Variants in MB21D2 observed in about 807,000 individuals in gnomAD.
The protein encoded by MB21D2 is Mab-21 domain containing 2, also known as nucleotidyltransferase MB21D2.
Under a neutral mutation model 33.3 loss-of-function variants are expected in MB21D2, and 9 were observed. The observed-to-expected ratio is 0.27, with a 90% CI of 0.16 to 0.47. The LOEUF (loss-of-function observed/expected upper bound fraction) is 0.47, where lower values mean the gene tolerates loss of function less well. MB21D2 is among the 20% of genes least tolerant of loss of function. The pLI is 0.99. For synonymous variants in MB21D2, 241 were observed against 236.3 expected (o/e 1.02, Z -0.18); for missense variants, 540 against 624.6 (o/e 0.86, Z 1.44).
intron 1 of MB21D2, among the ~76,000 whole-genome samples, chr3:192,853,221 C>T (rs900122790): frequency 3.3e-5 from 5 of 152,148 alleles, no homozygotes; most frequent in Non-Finnish European, 5.9e-5. Flanking sequence ...CATCACCCCT[C>T]GAAGGTCTTC....
At chr3:192,806,065 C>T (rs1441490873) in intron 1 of MB21D2, among the ~76,000 whole-genome samples, 2 of 152,234 alleles carry the variant, frequency 1.3e-5, no homozygotes, top group South Asian at 2.1e-4. Context: ...TGAATGCCAT[C>T]GTGTGGCACG....
intron 1 of MB21D2, among the ~76,000 whole-genome samples, chr3:192,897,185 A>G (rs926332494): frequency 2.6e-5 from 4 of 152,326 alleles, no homozygotes; most frequent in African/African-American, 9.6e-5. Context: ...CAAAGGTTGC[A>G]TAGCTTGTTC....
intron 1 of MB21D2, among the ~76,000 whole-genome samples, chr3:192,840,993 AT>A (rs1437366595): frequency 1.3e-5 from 2 of 152,228 alleles, no homozygotes; most frequent in Non-Finnish European, 2.9e-5. Flanking sequence ...TGGGTTTTAG[AT>A]TTAAAGACCT....
At chr3:192,835,122 T>C (rs1712405695) in intron 1 of MB21D2, among the ~76,000 whole-genome samples, 1 of 147,704 alleles carries the variant, frequency 6.8e-6, no homozygotes, top group East Asian at 2.1e-4. Flanking sequence ...GTTCACATTT[T>C]ATTTGGCCAG....
chr3:192,839,372 T>G (rs956772189), intron 1 of MB21D2, among the ~76,000 whole-genome samples: 4 of 152,186 alleles, frequency 2.6e-5, no homozygotes, highest in Admixed American at 6.5e-5. Context: ...GTTTTCTTTC[T>G]GCTAAACCTG....
chr3:192,847,155 C>T (rs1296974176), intron 1 of MB21D2, among the ~76,000 whole-genome samples: 1 of 152,156 alleles, frequency 6.6e-6, no homozygotes, highest in Non-Finnish European at 1.5e-5. Context: ...GACACTCACA[C>T]GATTATTTGT....
intron 1 of MB21D2, among the ~76,000 whole-genome samples, chr3:192,854,038 T>C (rs940750709): frequency 1.1e-4 from 17 of 152,346 alleles, no homozygotes; most frequent in African/African-American, 3.6e-4. Flanking sequence ...ACTTTGAAGT[T>C]AGGCCAGTGC....
chr3:192,863,889 T>C (rs1410258050), intron 1 of MB21D2, among the ~76,000 whole-genome samples: 1 of 152,170 alleles, frequency 6.6e-6, no homozygotes, highest in African/African-American at 2.4e-5. Context: ...GATCTTAACC[T>C]TTCCAGAAGC....
At chr3:192,811,255 G>A (rs1306902766) in intron 1 of MB21D2, among the ~76,000 whole-genome samples, 2 of 152,138 alleles carry the variant, frequency 1.3e-5, no homozygotes, top group Non-Finnish European at 2.9e-5. Flanking sequence ...ATCTTTATTG[G>A]CTTTTCTCTC....
chr3:192,872,315 A>G (rs1197814511), intron 1 of MB21D2, among the ~76,000 whole-genome samples: 3 of 152,102 alleles, frequency 2.0e-5, no homozygotes, highest in African/African-American at 7.2e-5. Flanking sequence ...GGGGGCTCAC[A>G]ACTGTAATCC....
intron 1 of MB21D2, among the ~76,000 whole-genome samples, chr3:192,840,272 AC>A (rs1560236236): frequency 6.6e-6 from 1 of 152,166 alleles, no homozygotes. Context: ...GAAATTAGAA[AC>A]ATACATATTA....
intron 1 of MB21D2, among the ~76,000 whole-genome samples, chr3:192,867,487 T>C (rs1044223433): frequency 2.0e-5 from 3 of 152,208 alleles, no homozygotes; most frequent in African/African-American, 7.2e-5. Flanking sequence ...CAGAAAGTGG[T>C]GAGTACAGGT....
At chr3:192,864,333 G>A (rs1210780606) in intron 1 of MB21D2, among the ~76,000 whole-genome samples, 1 of 152,126 alleles carries the variant, frequency 6.6e-6, no homozygotes, top group Non-Finnish European at 1.5e-5. Flanking sequence ...AACTGGTCCA[G>A]GAAACCCCGC....
intron 1 of MB21D2, among the ~76,000 whole-genome samples, chr3:192,833,201 T>C (rs1712359611): frequency 6.6e-6 from 1 of 152,234 alleles, no homozygotes; most frequent in African/African-American, 2.4e-5. Context: ...TGGCAATCCC[T>C]TGGCCTGCTT....
Position 192,799,087 on chromosome 3 carries a change from C to T in MB21D2, c.775G>A (p.Asp259Asn). The change falls in exon 2 of 2, where the codon GAT (aspartate) becomes AAT (asparagine). Residue 259 changes from aspartate (D) to asparagine (N), a missense_variant. Coordinates refer to ENST00000392452, the MANE Select transcript of MB21D2 (RefSeq NM_178496.4). This position sits in a 1 kb window ranked among gnomAD's most constrained non-coding sequence, Gnocchi z 4.1. ...QSWLMENHFW[D>N]GKITEEEVIS... ...ACCTCTTCCTCAGTAATCTTCCCATCCCAAAAGTGGTTCTCCATGAGCCAG... is the reference window on the plus strand; with the variant it reads ...ACCTCTTCCTCAGTAATCTTCCCATTCCAAAAGTGGTTCTCCATGAGCCAG... 2 of 1,614,098 alleles carry T rather than the reference C, an allele frequency of 1.2e-6. No individual in the cohort carries two copies. The highest frequency in any genetic ancestry group is 1.7e-6 in the Non-Finnish European group (2 of 1,179,984).
chr3:192,856,208 T>C (rs989120447), intron 1 of MB21D2, among the ~76,000 whole-genome samples: 1 of 152,220 alleles, frequency 6.6e-6, no homozygotes, highest in Non-Finnish European at 1.5e-5. Flanking sequence ...ACTCTGGTCT[T>C]ATTAGAGGTC....
At chr3:192,836,483 G>A (rs180729130) in intron 1 of MB21D2, among the ~76,000 whole-genome samples, 1 of 152,328 alleles carries the variant, frequency 6.6e-6, no homozygotes, top group Admixed American at 6.5e-5. Context: ...AAATGAGGCT[G>A]TTAGAGGGAG....
chr3:192,877,661 T>C (rs1713460938), intron 1 of MB21D2, among the ~76,000 whole-genome samples: 1 of 152,242 alleles, frequency 6.6e-6, no homozygotes, highest in Non-Finnish European at 1.5e-5. Flanking sequence ...ATATATACTG[T>C]ACAACATGTA....
In MB21D2 at chr3:192,914,334, G is replaced by T. The variant is rs1714417117; in HGVS notation, c.211+3296C>A. ...AATGATTAACTACCGTAAAAATCATGCCATGGTACCGACCACTTGGTCTGT... is the reference window on the plus strand; with the variant it reads ...AATGATTAACTACCGTAAAAATCATTCCATGGTACCGACCACTTGGTCTGT... On this transcript the variant is annotated intron_variant, in intron 1 of 1. Transcript: ENST00000392452. 3.3e-5 allele frequency among the ~76,000 whole-genome samples: 5 copies of T among 152,244 alleles called. No homozygotes were observed. In the South Asian group the frequency reaches 1.0e-3, roughly 32 times the overall value.
Sources: allele counts gnomAD v4.1 joint callset (sites outside exome capture counted in the v4.1 genomes callset), GRCh38; gene constraint gnomAD v4.1.1; non-coding constraint Gnocchi (gnomAD v3.1); transcripts MANE v1.5; gene names NCBI Gene and HGNC (gene_info 2026-07-23, HGNC 2026-07-21).